CTDSPL2: variants seen among roughly 807,000 people sequenced by gnomAD.
CTDSPL2 encodes CTD small phosphatase like 2, also known as CTD small phosphatase-like protein 2.
Under a neutral mutation model 60.0 loss-of-function variants are expected in CTDSPL2, and 5 were observed. The ratio of observed to expected loss-of-function variants is 0.08; its 90% CI spans 0.04 to 0.18. The LOEUF (loss-of-function observed/expected upper bound fraction) is 0.18, where lower values mean the gene tolerates loss of function less well. Among genes scored for constraint, CTDSPL2 ranks in the 10% least tolerant of loss-of-function variants. CTDSPL2 has a pLI of 1.00. For missense variants in CTDSPL2, 370 were observed against 548.8 expected (o/e 0.67, Z 3.26); for synonymous variants, 186 against 189.3 (o/e 0.98, Z 0.14).
chr15:44,461,657 G>T (rs2080574299), intron 2 of CTDSPL2, among the ~76,000 whole-genome samples: 1 of 145,658 alleles, frequency 6.9e-6, no homozygotes, highest in Non-Finnish European at 1.5e-5. Flanking sequence ...ACCACAAGCA[G>T]TCATCCCACC....
At chr15:44,475,764 A>G (rs533859810) in intron 2 of CTDSPL2, among the ~76,000 whole-genome samples, 4 of 152,202 alleles carry the variant, frequency 2.6e-5, no homozygotes, top group Non-Finnish European at 5.9e-5. Flanking sequence ...TAAAAAACTC[A>G]TTCTCAAATG....
chr15:44,494,793 A>G (rs2140816522), intron 5 of CTDSPL2, among the ~76,000 whole-genome samples: 1 of 151,244 alleles, frequency 6.6e-6, no homozygotes, highest in South Asian at 2.1e-4. Flanking sequence ...GCAGGTGCAT[A>G]TAATCCCAGC....
chr15:44,459,520 C>T (rs571336439), intron 2 of CTDSPL2, among the ~76,000 whole-genome samples: 9 of 151,654 alleles, frequency 5.9e-5, no homozygotes, highest in Non-Finnish European at 7.4e-5. Flanking sequence ...AGCGGGACTC[C>T]GTCTCAAAAA....
intron 8 of CTDSPL2, among the ~76,000 whole-genome samples, chr15:44,508,365 G>T (rs1400051910): frequency 1.3e-5 from 2 of 152,004 alleles, no homozygotes; most frequent in East Asian, 3.9e-4. Context: ...AGCATTTTAG[G>T]ATTATAGACA....
intron 10 of CTDSPL2, 44 bp downstream of exon 10, chr15:44,514,888 C>A: frequency 2.7e-6 from 3 of 1,114,116 alleles, no homozygotes; most frequent in South Asian, 2.8e-5. Context: ...TCACACTGAT[C>A]TATGAAATTA....
At chr15:44,497,818 A>G (rs28561508) in intron 7 of CTDSPL2, among the ~76,000 whole-genome samples, 15,102 of 152,022 alleles carry the variant, frequency 0.099, 1,548 homozygotes, top group African/African-American at 0.24. Flanking sequence ...CCAACATGGC[A>G]AAACCCATTC....
intron 1 of CTDSPL2, among the ~76,000 whole-genome samples, chr15:44,429,373 ATCATTG>A (rs2079810959): frequency 6.6e-6 from 1 of 152,210 alleles, no homozygotes; most frequent in African/African-American, 2.4e-5. Flanking sequence ...GGGATCTTAA[ATCATTG>A]GTCTAGTGTG....
intron 5 of CTDSPL2, among the ~76,000 whole-genome samples, chr15:44,495,253 C>T (rs1037626712): frequency 3.9e-5 from 6 of 152,172 alleles, no homozygotes; most frequent in African/African-American, 9.6e-5. Flanking sequence ...TACAGGCGCC[C>T]GCCACCACTC....
At chr15:44,495,321 G>A (rs1477885629) in intron 5 of CTDSPL2, among the ~76,000 whole-genome samples, 1 of 151,948 alleles carries the variant, frequency 6.6e-6, no homozygotes, top group Non-Finnish European at 1.5e-5. Context: ...GGTGGCTCAC[G>A]CCTGGAATTC....
At chr15:44,509,195 AT>A (rs926933803) in intron 8 of CTDSPL2, among the ~76,000 whole-genome samples, 5 of 150,338 alleles carry the variant, frequency 3.3e-5, no homozygotes, top group Non-Finnish European at 6.0e-5. Flanking sequence ...TTTTATTTTT[AT>A]TTTTTTTATT....
intron 1 of CTDSPL2, among the ~76,000 whole-genome samples, chr15:44,429,414 C>A (rs2079812501): frequency 6.6e-6 from 1 of 152,098 alleles, no homozygotes; most frequent in Non-Finnish European, 1.5e-5. Flanking sequence ...ATTTTAATGA[C>A]CTTTTTGGGT....
chr15:44,468,535 T>G (rs1229329142), intron 2 of CTDSPL2, among the ~76,000 whole-genome samples: 11 of 152,218 alleles, frequency 7.2e-5, no homozygotes. Flanking sequence ...TCAGTTTGAT[T>G]TACTTTTACT....
chr15:44,447,154 A>G (rs947044634), intron 1 of CTDSPL2, among the ~76,000 whole-genome samples: 17 of 152,228 alleles, frequency 1.1e-4, no homozygotes, highest in Non-Finnish European at 2.4e-4. Context: ...CTTTCATAAA[A>G]TGGAAATAAC....
intron 1 of CTDSPL2, among the ~76,000 whole-genome samples, chr15:44,443,653 T>C (rs1052650011): frequency 5.9e-5 from 9 of 152,242 alleles, no homozygotes; most frequent in Non-Finnish European, 1.0e-4. Flanking sequence ...ATTTCCGTGA[T>C]AATTAGATAA....
At chr15:44,497,761 G>A (rs958429856) in intron 7 of CTDSPL2, among the ~76,000 whole-genome samples, 6 of 151,990 alleles carry the variant, frequency 3.9e-5, no homozygotes, top group Non-Finnish European at 7.4e-5. Flanking sequence ...TTGGGAGGCC[G>A]AACTTTTGGC....
Position 44,433,102 on chromosome 15 carries a change from C to T in CTDSPL2, c.-25+5330C>T, listed in dbSNP as rs944754904. ...GGCTGAGGCAGGCGGATCCCCTGAGCTTAGGAGTTCGAGACCAGCCTGGGC... is the reference window on the plus strand; with the variant it reads ...GGCTGAGGCAGGCGGATCCCCTGAGTTTAGGAGTTCGAGACCAGCCTGGGC... On this transcript the variant is annotated intron_variant, in intron 1 of 12. Coordinates refer to ENST00000260327, the MANE Select transcript of CTDSPL2 (RefSeq NM_016396.3). Among the ~76,000 whole-genome samples, 8 of 151,612 alleles carry T rather than the reference C, an allele frequency of 5.3e-5. No homozygotes were observed. In the East Asian group the frequency reaches 1.4e-3, roughly 26 times the overall value.
At chr15:44,448,628 G>T (rs2080269645) in intron 1 of CTDSPL2, 1 of 309,154 alleles carries the variant, frequency 3.2e-6, no homozygotes, top group South Asian at 3.2e-5. Flanking sequence ...CCACCATGGG[G>T]GTCCCTCCTC....
intron 1 of CTDSPL2, among the ~76,000 whole-genome samples, chr15:44,455,733 G>T (rs1020167560): frequency 7.3e-5 from 11 of 151,148 alleles, no homozygotes; most frequent in African/African-American, 2.4e-4. Context: ...TTATTGATTT[G>T]CGTATGTTGA....
At chr15:44,468,014 T>G (rs2080731245) in intron 2 of CTDSPL2, among the ~76,000 whole-genome samples, 2 of 152,212 alleles carry the variant, frequency 1.3e-5, no homozygotes, top group South Asian at 4.1e-4. Context: ...AGTTTTGTCT[T>G]GATTTGTAAT....
Sources: allele counts gnomAD v4.1 joint callset (sites outside exome capture counted in the v4.1 genomes callset), GRCh38; gene constraint gnomAD v4.1.1; transcripts MANE v1.5; gene names NCBI Gene and HGNC (gene_info 2026-07-23, HGNC 2026-07-21).